The following DNALI1 variants were observed in gnomAD, a reference collection of about 807,000 sequenced individuals.
DNALI1 encodes dynein axonemal light intermediate chain 1.
In DNALI1, 31 loss-of-function variants were observed where a neutral mutation model predicts 33.9. The ratio of observed to expected loss-of-function variants is 0.91; its 90% CI spans 0.69 to 1.23. DNALI1 has a LOEUF of 1.23. DNALI1 is among the 50% of genes most tolerant of loss of function. The probability of loss-of-function intolerance (pLI) is 0.00; values close to 1 mark genes in which losing one functional copy is unlikely to be tolerated. For synonymous variants in DNALI1, 117 were observed against 129.2 expected, an observed-to-expected ratio of 0.91 and a Z score of 0.64; for missense variants, 305 against 323.8, an observed-to-expected ratio of 0.94 and a Z score of 0.44.
At position 37,561,850 on chromosome 1, in the gene DNALI1, G is replaced by A. The variant is rs964592054; in HGVS notation, c.576+115G>A. On this transcript the variant is annotated intron_variant, in intron 4 of 5. Transcript: ENST00000652629. The surrounding 1 kb of genome is among the most constrained non-coding windows in gnomAD (Gnocchi z 4.6). ...CCTAAGGTGCTCTGCTGACAGTCAC[G>A]ACACCTGGACTTGCATCACCTCAGT... 1.4e-5 allele frequency: 20 copies of A among 1,427,632 alleles called. No individual in the cohort carries two copies. Among genetic ancestry groups the A allele is most frequent in the African/African-American group, 2.8e-5 (2 of 70,500 alleles). The allele number at this position is 1,427,632 out of a possible 1,614,324, so 88.4% of individuals were successfully genotyped here.
Position 37,559,154 on chromosome 1 carries a change from A to G in DNALI1, c.228-173A>G, listed in dbSNP as rs1643406627. On this transcript the variant is annotated intron_variant, in intron 2 of 5. Coordinates refer to ENST00000652629, the MANE Select transcript of DNALI1 (RefSeq NM_003462.5). The surrounding 1 kb of genome is among the most constrained non-coding windows in gnomAD (Gnocchi z 5.3). The stretch of plus-strand genomic sequence containing the variant: ...TTCCCAAGATCCCTGTGGAGGCAGC[A>G]TAGTGGGTGTGGCTTTGGAGCCTCA... 6.6e-6 allele frequency among the ~76,000 whole-genome samples: 1 copy of G among 152,226 alleles called. No individual in the cohort carries two copies. The highest frequency in any genetic ancestry group is 1.5e-5 in the Non-Finnish European group (1 of 68,040).
Position 37,561,631 on chromosome 1 carries a change from C to T in DNALI1, c.472C>T (p.Arg158Cys), listed in dbSNP as rs745733545. ...GCTGCTGCGAGTCCGGGACGAGATC[C>T]GCATGACCATCGCTGCCTACCAGAC... The part of the protein sequence containing the change: ...LLLLRVRDEI[R>C]MTIAAYQTLY... The change falls in exon 4 of 6, where the codon CGC becomes TGC. Residue 158 changes from arginine (R) to cysteine (C), a missense_variant. Arg to Cys is a radical substitution (Grantham distance 180). Transcript: ENST00000652629. The surrounding 1 kb of genome is among the most constrained non-coding windows in gnomAD (Gnocchi z 4.6). 17 of 1,613,724 alleles carry T rather than the reference C, an allele frequency of 1.1e-5. No homozygotes were observed. In the African/African-American group the frequency reaches 1.5e-4, roughly 14 times the overall value.
rs1179820066 is a variant in DNALI1, at chr1:37,561,158, A to C, written c.398-399A>C. 5.2e-6 allele frequency: 1 copy of C among 192,936 alleles called. No individual in the cohort carries two copies. Among genetic ancestry groups the C allele is most frequent in the Non-Finnish European group, 1.1e-5 (1 of 90,928 alleles). 12.0% of individuals were successfully genotyped at this position (192,936 alleles called of 1,614,324 possible). On this transcript the variant is annotated intron_variant, in intron 3 of 5. Coordinates refer to ENST00000652629, the MANE Select transcript of DNALI1 (RefSeq NM_003462.5). The surrounding 1 kb of genome is among the most constrained non-coding windows in gnomAD (Gnocchi z 4.6). Reference sequence around the variant, plus strand: ...CATTTCCCTCAAACCAGTGCAGCCAAGGGGGCACACAGGATGTCCCAGCTG... The same window carrying C: ...CATTTCCCTCAAACCAGTGCAGCCACGGGGGCACACAGGATGTCCCAGCTG...
At chr1:37,557,861 A>T in intron 2 of DNALI1, 113 bp downstream of exon 2, 2 of 1,458,224 alleles carry the variant, frequency 1.4e-6, no homozygotes, top group Non-Finnish European at 1.9e-6. Context: ...TCCTCCCAGT[A>T]TCACAGAGCT....
rs1643412845 is a variant in DNALI1 at position 37,559,642 on chromosome 1, G to A, written c.397+146G>A. 3 of 964,752 alleles carry A rather than the reference G, an allele frequency of 3.1e-6. No individual in the cohort carries two copies. The highest frequency in any genetic ancestry group is 4.2e-6 in the Non-Finnish European group (3 of 716,084). The allele number at this position is 964,752 out of a possible 1,614,324, so 59.8% of individuals were successfully genotyped here. On this transcript the variant is annotated intron_variant, in intron 3 of 5. Coordinates refer to ENST00000652629, the MANE Select transcript of DNALI1 (RefSeq NM_003462.5). This position sits in a 1 kb window ranked among gnomAD's most constrained non-coding sequence, Gnocchi z 5.3. ...CTTCTCCCCCTGCCTGACCCACCCA[G>A]CAACAGCTAACTGCCCCCTTCCCCT...
At chr1:37,563,257 T>C (rs1214713914) in intron 5 of DNALI1, among the ~76,000 whole-genome samples, 1 of 152,248 alleles carries the variant, frequency 6.6e-6, no homozygotes, top group East Asian at 1.9e-4. Context: ...TACTGGAACT[T>C]TTCTTGTTGC....
At chr1:37,557,566 G>C (rs182397050) in intron 1 of DNALI1, 37 bp from the exon 2 acceptor site, 163 of 1,595,428 alleles carry the variant, frequency 1.0e-4, no homozygotes, top group Non-Finnish European at 1.3e-4. Flanking sequence ...CTGAGCTCCT[G>C]AACAATTTCC....
Position 37,561,855 on chromosome 1 carries a change from C to CTGGACT in DNALI1, c.576+123_576+128dup. Reference sequence around the variant, plus strand: ...GGTGCTCTGCTGACAGTCACGACACCTGGACTTGCATCACCTCAGTGAGGG... The same window carrying CTGGACT: ...GGTGCTCTGCTGACAGTCACGACACCTGGACTTGGACTTGCATCACCTCAGTGAGGG... On this transcript the variant is annotated intron_variant, in intron 4 of 5. Transcript: ENST00000652629. The surrounding 1 kb of genome is among the most constrained non-coding windows in gnomAD (Gnocchi z 4.6). The CTGGACT allele has an allele frequency of 7.0e-7, 1 of 1,420,974 alleles. No homozygotes were observed. Among genetic ancestry groups the CTGGACT allele is most frequent in the Non-Finnish European group, 9.5e-7 (1 of 1,051,626 alleles). 88.0% of individuals were successfully genotyped at this position (1,420,974 alleles called of 1,614,324 possible).
rs79571917 is a variant in DNALI1 at position 37,566,500 on chromosome 1, G to T, written c.*1439G>T. On this transcript the variant is annotated 3_prime_UTR_variant, in exon 6 of 6. Coordinates refer to ENST00000652629, the MANE Select transcript of DNALI1 (RefSeq NM_003462.5). ...CCAGGCCATGTACACTAACGTCCTT[G>T]AAATTTGCAGTTCTGTATGCTTCTA... The T allele has an allele frequency of 3.5e-3, 676 of 192,398 alleles. 4 individuals are homozygous for T. The highest frequency in any genetic ancestry group is 0.015 in the African/African-American group (634 of 42,756). The allele number at this position is 192,398 out of a possible 1,614,324, so 11.9% of individuals were successfully genotyped here.
Position 37,559,558 on chromosome 1 carries a change from A to C in DNALI1, c.397+62A>C. On this transcript the variant is annotated intron_variant, in intron 3 of 5. Coordinates refer to ENST00000652629, the MANE Select transcript of DNALI1 (RefSeq NM_003462.5). This position sits in a 1 kb window ranked among gnomAD's most constrained non-coding sequence, Gnocchi z 5.3. ...CTACTGCTCCCTTCCCTTCACCTTC[A>C]GCACAGATCCAAGCCTGAGCACCTT... is the stretch of plus-strand genomic sequence containing the variant. 8 of 1,482,930 alleles carry C rather than the reference A, an allele frequency of 5.4e-6. No individual in the cohort carries two copies. Among genetic ancestry groups the C allele is most frequent in the Non-Finnish European group, 7.2e-6 (8 of 1,109,750 alleles). The allele number at this position is 1,482,930 out of a possible 1,614,324, so 91.9% of individuals were successfully genotyped here.
At chr1:37,557,545 G>A in intron 1 of DNALI1, 58 bp from the exon 2 acceptor site, 3 of 1,572,962 alleles carry the variant, frequency 1.9e-6, no homozygotes, top group South Asian at 2.3e-5. Context: ...ACAGGTTGGG[G>A]ATGTGTGGAG....
Position 37,557,615 on chromosome 1 carries a change from A to C in DNALI1, c.94A>C (p.Lys32Gln), listed in dbSNP as rs1643387590. The C allele has an allele frequency of 6.2e-7, 1 of 1,612,558 alleles. No homozygotes were observed. Among genetic ancestry groups the C allele is most frequent in the Non-Finnish European group, 8.5e-7 (1 of 1,179,462 alleles). Residue 32 changes from lysine to glutamine, a missense_variant, in exon 2 of 6, where the codon AAA (lysine) becomes CAA (glutamine). Coordinates refer to ENST00000652629, the MANE Select transcript of DNALI1 (RefSeq NM_003462.5). ...GCCTTCATCTCAGGCTCGGCTACTGAAAGTCAGCCCCCAGCAGCCTGGACC... is the reference window on the plus strand; with the variant it reads ...GCCTTCATCTCAGGCTCGGCTACTGCAAGTCAGCCCCCAGCAGCCTGGACC... The part of the protein sequence containing the change: ...EKRSPKARLL[K>Q]VSPQQPGPSG...
intron 5 of DNALI1, 24 bp from the exon 6 acceptor site, chr1:37,565,002 A>G (rs778134099): frequency 1.2e-6 from 2 of 1,613,992 alleles, no homozygotes; most frequent in Non-Finnish European, 1.7e-6. Context: ...TCAAGTATTA[A>G]TGGAGCTTGT....
At chr1:37,560,319 A>C (rs1341716376) in intron 3 of DNALI1, among the ~76,000 whole-genome samples, 2 of 152,170 alleles carry the variant, frequency 1.3e-5, no homozygotes, top group Non-Finnish European at 2.9e-5. Context: ...TCACGTGGGG[A>C]GAAACCTTGG....
rs1345732239 is a variant in DNALI1, at chr1:37,565,264, C to T, written c.*203C>T. 8.3e-6 allele frequency: 5 copies of T among 601,744 alleles called. No individual in the cohort carries two copies. The highest frequency in any genetic ancestry group is 3.7e-5 in the African/African-American group (2 of 53,872). The allele number at this position is 601,744 out of a possible 1,614,324, so 37.3% of individuals were successfully genotyped here. A position where few individuals can be genotyped will look rare whatever the true frequency, so the allele number is the denominator to read the frequency against. ...AATGTCATCAGACACCTAAGGTCTG[C>T]CAGCCAGGCTCCTGGCTGGGCAATG... On this transcript the variant is annotated 3_prime_UTR_variant, in exon 6 of 6. Transcript: ENST00000652629.
At chr1:37,558,081 A>G (rs1310315156) in intron 2 of DNALI1, 2 of 250,214 alleles carry the variant, frequency 8.0e-6, no homozygotes, top group Non-Finnish European at 1.5e-5. Flanking sequence ...TCATGAAGAT[A>G]TCTAATAGAC....
In DNALI1 at chr1:37,562,273, G is replaced by A; in HGVS notation, c.741+28G>A. 6.2e-7 allele frequency: 1 copy of A among 1,600,980 alleles called. No individual in the cohort carries two copies. Among genetic ancestry groups the A allele is most frequent in the South Asian group, 1.1e-5 (1 of 89,778 alleles). On this transcript the variant is annotated intron_variant, in intron 5 of 5. Coordinates refer to ENST00000652629, the MANE Select transcript of DNALI1 (RefSeq NM_003462.5). This position sits in a 1 kb window ranked among gnomAD's most constrained non-coding sequence, Gnocchi z 5.8. The stretch of plus-strand genomic sequence containing the variant: ...AATCAACGCGCAGGGTGGGGTGGAG[G>A]TGCCCCCTGCCCTGCGACCCAGCCC...
At chr1:37,560,648 T>G (rs1643426988) in intron 3 of DNALI1, 1 of 152,156 alleles carries the variant, frequency 6.6e-6, no homozygotes. Flanking sequence ...GTCTGATCTC[T>G]CCTTCTTTTC....
intron 2 of DNALI1, among the ~76,000 whole-genome samples, chr1:37,558,427 A>G (rs1246971580): frequency 6.6e-6 from 1 of 152,226 alleles, no homozygotes; most frequent in Admixed American, 6.5e-5. Context: ...AAGTCAGATC[A>G]TGCCAGTCTC....
Sources: gnomAD v4.1 joint callset for allele counts (sites outside exome capture counted in the v4.1 genomes callset) on GRCh38, gnomAD v4.1.1 for gene constraint, Gnocchi (gnomAD v3.1) non-coding constraint, MANE v1.5 for transcripts, NCBI Gene and HGNC (gene_info 2026-07-23, HGNC 2026-07-21) for gene names.